SLC25A37: variants seen among roughly 807,000 people sequenced by gnomAD.
SLC25A37 encodes the protein mitoferrin-1.
In SLC25A37, 17 loss-of-function variants were observed where a neutral mutation model predicts 31.0. The ratio of observed to expected loss-of-function variants is 0.55; its 90% CI spans 0.38 to 0.82. SLC25A37 has a LOEUF of 0.82. Ranked by LOEUF, SLC25A37 falls within the 40% of genes least tolerant of loss-of-function variation. SLC25A37 has a pLI of 0.00. For synonymous variants in SLC25A37, 222 were observed against 193.0 expected (o/e 1.15, Z -1.24); for missense variants, 404 against 465.8 (o/e 0.87, Z 1.22).
intron 1 of SLC25A37, among the ~76,000 whole-genome samples, chr8:23,544,012 C>T (rs1302080760): frequency 6.6e-6 from 1 of 151,948 alleles, no homozygotes; most frequent in Non-Finnish European, 1.5e-5. Context: ...AGGTGTGTGC[C>T]ACCACGCCCG....
intron 1 of SLC25A37, chr8:23,541,827 C>T (rs1801901976): frequency 6.6e-6 from 1 of 152,412 alleles, no homozygotes; most frequent in African/African-American, 2.4e-5. Flanking sequence ...GAGGTGGGGA[C>T]ATCTTTTCAA....
rs1337160593 is a variant in SLC25A37, at chr8:23,529,264, C to T, written c.210+52C>T. On this transcript the variant is annotated intron_variant, in intron 1 of 3. Coordinates refer to ENST00000519973, the MANE Select transcript of SLC25A37 (RefSeq NM_016612.4). The surrounding 1 kb of genome is among the most constrained non-coding windows in gnomAD (Gnocchi z 4.1). Reference sequence around the variant, plus strand: ...GCAACGAGCGGAGAAGGAGCGCGCGCGCGCATTTGCATCCCGCGCGCCGGC... The same window carrying T: ...GCAACGAGCGGAGAAGGAGCGCGCGTGCGCATTTGCATCCCGCGCGCCGGC... 2 of 1,529,990 alleles carry T rather than the reference C, an allele frequency of 1.3e-6. No individual in the cohort carries two copies. The highest frequency in any genetic ancestry group is 2.8e-5 in the African/African-American group (2 of 71,014). 94.8% of individuals were successfully genotyped at this position (1,529,990 alleles called of 1,614,324 possible).
Position 23,574,185 on chromosome 8 carries a change from G to A in SLC25A37, c.*2330G>A. On this transcript the variant is annotated 3_prime_UTR_variant, in exon 4 of 4. Transcript: ENST00000519973. ...GGATGCAAGAAGGAGAGGTGAAGGT[G>A]GCGTGTGGTGGCTCATGCCTGTAAT... is the stretch of plus-strand genomic sequence containing the variant. 3.8e-6 allele frequency: 1 copy of A among 261,968 alleles called. No individual in the cohort carries two copies. Among genetic ancestry groups the A allele is most frequent in the South Asian group, 3.8e-5 (1 of 26,380 alleles). 16.2% of individuals were successfully genotyped at this position (261,968 alleles called of 1,614,324 possible). A position where few individuals can be genotyped will look rare whatever the true frequency, so the allele number is the denominator to read the frequency against.
chr8:23,572,203 T>TAAAAAAAAAA lies in SLC25A37; in HGVS notation c.*384_*393dup, dbSNP rs540950017. The TAAAAAAAAAA allele has an allele frequency of 3.5e-5, 3 of 85,782 alleles. 1 individual carries two copies. Among genetic ancestry groups the TAAAAAAAAAA allele is most frequent in the African/African-American group, 2.0e-4 (3 of 15,290 alleles). The allele number at this position is 85,782 out of a possible 1,614,324, so 5.3% of individuals were successfully genotyped here. A position where few individuals can be genotyped will look rare whatever the true frequency, so the allele number is the denominator to read the frequency against. The stretch of plus-strand genomic sequence containing the variant: ...GAAAATTTGCAGTGACTGAAAACAG[T>TAAAAAAAAAA]AAAAAAAAAAAAAAAAAAAAAAAAA... On this transcript the variant is annotated 3_prime_UTR_variant, in exon 4 of 4. Transcript: ENST00000519973.
chr8:23,556,646 G>GTATGTA (rs1802374749), intron 1 of SLC25A37, among the ~76,000 whole-genome samples: 1 of 151,934 alleles, frequency 6.6e-6, no homozygotes, highest in Non-Finnish European at 1.5e-5. Context: ...GTGTGTGTGT[G>GTATGTA]TATGTATATG....
At chr8:23,567,750 C>T (rs1329024382) in intron 2 of SLC25A37, 1 of 154,752 alleles carries the variant, frequency 6.5e-6, no homozygotes, top group Non-Finnish European at 1.4e-5. Context: ...CAGATGGGGT[C>T]AGTCCCGTCG....
chr8:23,568,013 T>C (rs1298751549), intron 2 of SLC25A37: 2 of 430,720 alleles, frequency 4.6e-6, no homozygotes, highest in Non-Finnish European at 8.7e-6. Flanking sequence ...GAAAAAGCCA[T>C]GGTGTGTGGT....
chr8:23,563,023 G>GCCCC (rs1208564154), intron 1 of SLC25A37, among the ~76,000 whole-genome samples: 1 of 152,212 alleles, frequency 6.6e-6, no homozygotes, highest in Non-Finnish European at 1.5e-5. Context: ...TTGGCATGGT[G>GCCCC]TGTACATCTT....
At chr8:23,563,886 C>T (rs1263902102) in intron 1 of SLC25A37, among the ~76,000 whole-genome samples, 1 of 151,996 alleles carries the variant, frequency 6.6e-6, no homozygotes, top group Non-Finnish European at 1.5e-5. Context: ...GAGGCTGAGG[C>T]AGGAGAATCG....
At chr8:23,540,702 C>A (rs891703470) in intron 1 of SLC25A37, among the ~76,000 whole-genome samples, 5 of 152,142 alleles carry the variant, frequency 3.3e-5, no homozygotes, top group Admixed American at 2.0e-4. Flanking sequence ...CTTTCCAGAT[C>A]ATAGTATATG....
chr8:23,571,798 T>C lies in SLC25A37; in HGVS notation c.960T>C (p.Tyr320=). The change falls in exon 4 of 4, where the codon TAT becomes TAC. Residue 320 remains tyrosine (Y), a synonymous_variant. Coordinates refer to ENST00000519973, the MANE Select transcript of SLC25A37 (RefSeq NM_016612.4). Reference sequence around the variant, plus strand: ...CCACCGCCATTTCTTGGTCTGTCTATGAGTTCTTCAAGTACTTTCTCACCA... The same window carrying C: ...CCACCGCCATTTCTTGGTCTGTCTACGAGTTCTTCAAGTACTTTCTCACCA... ...MPSTAISWSV[Y]EFFKYFLTKR... 1 of 1,613,912 alleles carries C rather than the reference T, an allele frequency of 6.2e-7. No individual in the cohort carries two copies. The highest frequency in any genetic ancestry group is 2.2e-5 in the East Asian group (1 of 44,878).
intron 1 of SLC25A37, among the ~76,000 whole-genome samples, chr8:23,551,354 G>A (rs183374739): frequency 2.6e-5 from 4 of 152,298 alleles, no homozygotes; most frequent in Non-Finnish European, 2.9e-5. Flanking sequence ...GCCACCAGGT[G>A]CGAGTCCCCT....
intron 3 of SLC25A37, 94 bp from the exon 4 acceptor site, chr8:23,571,241 T>C: frequency 7.1e-7 from 1 of 1,409,414 alleles, no homozygotes; most frequent in Non-Finnish European, 9.4e-7. Flanking sequence ...TGTTTCTCTT[T>C]ATGGCTTGGC....
At chr8:23,548,016 G>A (rs1409130605) in intron 1 of SLC25A37, among the ~76,000 whole-genome samples, 2 of 152,164 alleles carry the variant, frequency 1.3e-5, no homozygotes, top group African/African-American at 4.8e-5. Context: ...CAGCAGCACA[G>A]ATGGGGTTAG....
At chr8:23,532,712 C>T (rs184672558) in intron 1 of SLC25A37, among the ~76,000 whole-genome samples, 96 of 152,306 alleles carry the variant, frequency 6.3e-4, no homozygotes, top group East Asian at 3.1e-3. Flanking sequence ...TGGTGCACCA[C>T]GGAGCGTTCC....
chr8:23,566,771 C>T (rs1802672474), intron 2 of SLC25A37: 1 of 991,346 alleles, frequency 1.0e-6, no homozygotes. Context: ...AAAACTGGTA[C>T]AACAGGTCTC....
chr8:23,570,228 T>C (rs1802784699), intron 3 of SLC25A37, among the ~76,000 whole-genome samples: 2 of 152,326 alleles, frequency 1.3e-5, no homozygotes, highest in African/African-American at 4.8e-5. Context: ...CCCCTTTTTA[T>C]TTACAAAGTA....
intron 2 of SLC25A37, 107 bp downstream of exon 2, chr8:23,566,443 C>T: frequency 6.7e-7 from 1 of 1,493,452 alleles, no homozygotes; most frequent in Non-Finnish European, 8.9e-7. Context: ...GGCCCGCTTG[C>T]TCACGAATAA....
At chr8:23,538,367 C>T (rs1325464918) in intron 1 of SLC25A37, among the ~76,000 whole-genome samples, 13 of 109,796 alleles carry the variant, frequency 1.2e-4, no homozygotes, top group South Asian at 3.1e-4. Context: ...GACAACAGAG[C>T]GAGACTTCAT....
Sources: allele counts gnomAD v4.1 joint callset (sites outside exome capture counted in the v4.1 genomes callset), GRCh38; gene constraint gnomAD v4.1.1; non-coding constraint Gnocchi (gnomAD v3.1); transcripts MANE v1.5; gene names NCBI Gene and HGNC (gene_info 2026-07-23, HGNC 2026-07-21).